FSTL4: variants seen among roughly 807,000 people sequenced by gnomAD.
The protein encoded by FSTL4 is follistatin like 4, also known as follistatin-related protein 4.
In FSTL4, 28 loss-of-function variants were observed where a neutral mutation model predicts 78.2. The ratio of observed to expected loss-of-function variants is 0.36; its 90% confidence interval spans 0.27 to 0.49. FSTL4 has a LOEUF of 0.49. FSTL4 is among the 20% of genes least tolerant of loss of function. FSTL4 has a pLI of 0.98. For synonymous variants in FSTL4, 422 were observed against 440.5 expected, an observed-to-expected ratio of 0.96 and a Z score of 0.53; for missense variants, 922 against 1,084.9, an observed-to-expected ratio of 0.85 and a Z score of 2.11.
chr5:133,504,188 T>TCAA (rs1191745246), intron 3 of FSTL4, among the ~76,000 whole-genome samples: 24 of 152,002 alleles, frequency 1.6e-4, no homozygotes, highest in Non-Finnish European at 3.2e-4. Flanking sequence ...TATCAATCAT[T>TCAA]TACCCCCAAA....
intron 1 of FSTL4, among the ~76,000 whole-genome samples, chr5:133,610,544 G>A (rs1403571352): frequency 1.1e-4 from 16 of 152,228 alleles, no homozygotes. Flanking sequence ...ACGCTAAGAT[G>A]GGAAGCAGAC....
chr5:133,744,471 C>T, the FSTL4 span, among the ~76,000 whole-genome samples: 1 of 152,182 alleles, frequency 6.6e-6, no homozygotes, highest in Non-Finnish European at 1.5e-5. Context: ...ACAAGGCTGT[C>T]ACTAGGCACC....
At chr5:133,266,604 C>G (rs1752647753) in intron 6 of FSTL4, 1 of 152,310 alleles carries the variant, frequency 6.6e-6, no homozygotes, top group Non-Finnish European at 1.5e-5. Context: ...GCCTCTGTCC[C>G]TCTGTGAGAA....
intron 3 of FSTL4, among the ~76,000 whole-genome samples, chr5:133,548,965 G>A (rs1759636818): frequency 6.6e-6 from 1 of 152,092 alleles, no homozygotes; most frequent in Non-Finnish European, 1.5e-5. Flanking sequence ...GATTTCTACT[G>A]GGAAATAAAC....
At chr5:133,822,065 T>A in the FSTL4 span, among the ~76,000 whole-genome samples, 1 of 152,188 alleles carries the variant, frequency 6.6e-6, no homozygotes, top group Non-Finnish European at 1.5e-5. Context: ...GACTCTGCAT[T>A]GCAAGAACAA....
At chr5:133,590,093 C>CTTTATTTATTTATTTATTTATTTATTTA (rs60216054) in intron 2 of FSTL4, among the ~76,000 whole-genome samples, 104 of 149,138 alleles carry the variant, frequency 7.0e-4, no homozygotes, top group African/African-American at 2.5e-3. Context: ...GGAATCTCCT[C>CTTTATTTATTTATTTATTTATTTATTTA]TTTATTTATT....
At chr5:133,774,863 A>G in the FSTL4 span, among the ~76,000 whole-genome samples, 1 of 152,232 alleles carries the variant, frequency 6.6e-6, no homozygotes, top group Non-Finnish European at 1.5e-5. Context: ...TATTTTAGCA[A>G]GACATGCATG....
At chr5:133,395,414 A>G (rs1755999073) in intron 4 of FSTL4, among the ~76,000 whole-genome samples, 1 of 152,176 alleles carries the variant, frequency 6.6e-6, no homozygotes, top group South Asian at 2.1e-4. Context: ...ACCCACCAGA[A>G]GGAAGAAACT....
chr5:133,589,332 G>A (rs1427498886), intron 2 of FSTL4, among the ~76,000 whole-genome samples: 1 of 149,300 alleles, frequency 6.7e-6, no homozygotes, highest in East Asian at 2.0e-4. Flanking sequence ...GCTTCTGAAA[G>A]GGAGACTGCT....
intron 3 of FSTL4, among the ~76,000 whole-genome samples, chr5:133,535,214 T>A (rs1415389553): frequency 6.6e-6 from 1 of 152,182 alleles, no homozygotes; most frequent in African/African-American, 2.4e-5. Context: ...TCTTGGACTT[T>A]GCAGCCTTCA....
At chr5:133,770,537 G>T in the FSTL4 span, among the ~76,000 whole-genome samples, 1 of 151,904 alleles carries the variant, frequency 6.6e-6, no homozygotes, top group East Asian at 1.9e-4. Context: ...TTTCAAAAAA[G>T]GTCTGCTCAT....
chr5:133,745,308 C>G, the FSTL4 span, among the ~76,000 whole-genome samples: 53 of 152,058 alleles, frequency 3.5e-4, no homozygotes, highest in Admixed American at 2.6e-3. Flanking sequence ...TGTTTTAGAC[C>G]CAGATTAGAA....
chr5:133,235,762 T>A (rs1751641815), intron 7 of FSTL4, among the ~76,000 whole-genome samples: 1 of 152,184 alleles, frequency 6.6e-6, no homozygotes, highest in South Asian at 2.1e-4. Context: ...TGCGGAAGCC[T>A]CCATGATAAA....
rs1181700192 is a variant in FSTL4, at chr5:133,424,484, A to G, written c.161-23498T>C. 2.0e-5 allele frequency among the ~76,000 whole-genome samples: 3 copies of G among 152,218 alleles called. No homozygotes were observed. In the East Asian group the frequency reaches 5.8e-4, roughly 29 times the overall value. On this transcript the variant is annotated intron_variant, in intron 3 of 15. Transcript: ENST00000265342. ...AAATGACATGTTTTGTGAGCTTTGC[A>G]TTTCCGAGCAGTCTCTCAGATGATG...
intron 6 of FSTL4, among the ~76,000 whole-genome samples, chr5:133,300,623 A>G (rs1031110503): frequency 6.6e-6 from 1 of 152,198 alleles, no homozygotes; most frequent in African/African-American, 2.4e-5. Context: ...AACACCCATG[A>G]AAGGCAGGGA....
intron 3 of FSTL4, among the ~76,000 whole-genome samples, chr5:133,460,496 T>G (rs934469980): frequency 6.6e-6 from 1 of 152,250 alleles, no homozygotes; most frequent in African/African-American, 2.4e-5. Flanking sequence ...CACACATTTC[T>G]TTTCTTTCTG....
intron 8 of FSTL4, among the ~76,000 whole-genome samples, chr5:133,226,660 A>G (rs941421524): frequency 1.3e-5 from 2 of 152,254 alleles, no homozygotes; most frequent in Non-Finnish European, 2.9e-5. Context: ...TGTGAGATGT[A>G]AACATACCTG....
intron 8 of FSTL4, among the ~76,000 whole-genome samples, chr5:133,228,589 C>T (rs1751402119): frequency 6.6e-6 from 1 of 152,180 alleles, no homozygotes; most frequent in African/African-American, 2.4e-5. Context: ...TAATATGTTT[C>T]AATGGCTAAC....
chr5:133,375,054 C>T (rs549025496), intron 4 of FSTL4, among the ~76,000 whole-genome samples: 28 of 151,774 alleles, frequency 1.8e-4, no homozygotes, highest in Non-Finnish European at 2.6e-4. Context: ...CGTCAGCCAT[C>T]TAGAAATCAG....
Sources: gnomAD v4.1 joint callset for allele counts (sites outside exome capture counted in the v4.1 genomes callset) on GRCh38, gnomAD v4.1.1 for gene constraint, MANE v1.5 for transcripts, NCBI Gene and HGNC (gene_info 2026-07-23, HGNC 2026-07-21) for gene names.